The following PTPRN2 variants were observed in gnomAD, a reference collection of about 807,000 sequenced individuals.
The protein encoded by PTPRN2 is protein tyrosine phosphatase receptor type N2.
Under a neutral mutation model 118.8 loss-of-function variants are expected in PTPRN2, and 74 were observed. That is an observed-to-expected ratio of 0.62 (90% CI 0.52 to 0.76). The LOEUF is 0.76. PTPRN2 is among the 30% of genes least tolerant of loss of function. The pLI, the probability that PTPRN2 is intolerant of heterozygous loss-of-function variation, is 0.00. For synonymous variants in PTPRN2, 641 were observed against 608.0 expected, an observed-to-expected ratio of 1.05 and a Z score of -0.80; for missense variants, 1,481 against 1,394.4, an observed-to-expected ratio of 1.06 and a Z score of -0.99.
At chr7:157,793,376 C>T (rs575628490) in intron 12 of PTPRN2, among the ~76,000 whole-genome samples, 1 of 151,516 alleles carries the variant, frequency 6.6e-6, no homozygotes, top group African/African-American at 2.4e-5. Flanking sequence ...CTCTGTGGAC[C>T]CCCTGTGTAC....
Position 158,173,310 on chromosome 7 carries a change from TAAAGAG to T in PTPRN2, c.550-6025_550-6020del, listed in dbSNP as rs1430379346. ...CCTAAGTGTTGGCCAGTCTGAGAAA[TAAAGAG>T]AAAGAGTACAAAGAGGTAAATTTTA... On this transcript the variant is annotated intron_variant, in intron 5 of 22. Coordinates refer to ENST00000389418, the MANE Select transcript of PTPRN2 (RefSeq NM_002847.5). Among the ~76,000 whole-genome samples, 3 of 152,234 alleles carry T rather than the reference TAAAGAG, an allele frequency of 2.0e-5. No homozygotes were observed. The East Asian group carries it at 5.8e-4, about 29-fold the overall frequency.
intron 12 of PTPRN2, among the ~76,000 whole-genome samples, chr7:157,757,518 T>A (rs1801862448): frequency 6.6e-6 from 1 of 151,422 alleles, no homozygotes; most frequent in Non-Finnish European, 1.5e-5. Context: ...GAACTTTGGA[T>A]ACGGGCAGAG....
chr7:157,998,860 G>A (rs965319481), intron 11 of PTPRN2, among the ~76,000 whole-genome samples: 1 of 150,984 alleles, frequency 6.6e-6, no homozygotes, highest in African/African-American at 2.4e-5. Context: ...TTGTAATTCT[G>A]AGATTTTGAA....
At chr7:158,571,222 C>T (rs1386537028) in intron 1 of PTPRN2, among the ~76,000 whole-genome samples, 1 of 152,032 alleles carries the variant, frequency 6.6e-6, no homozygotes, top group Non-Finnish European at 1.5e-5. Flanking sequence ...CAGTGGCTCA[C>T]GCCTGTAATC....
intron 12 of PTPRN2, among the ~76,000 whole-genome samples, chr7:157,848,479 A>G (rs1173510555): frequency 3.9e-5 from 6 of 152,212 alleles, no homozygotes; most frequent in Non-Finnish European, 8.8e-5. Context: ...TGCGTGCCCA[A>G]TGTTTACAGA....
At chr7:157,557,918 A>G (rs1798985408) in intron 21 of PTPRN2, among the ~76,000 whole-genome samples, 1 of 151,154 alleles carries the variant, frequency 6.6e-6, no homozygotes, top group Admixed American at 6.6e-5. Context: ...CTGTCATTTT[A>G]AAGTCACCAT....
At chr7:158,134,180 G>A in intron 8 of PTPRN2, 121 bp from the exon 9 acceptor site, 2 of 1,195,058 alleles carry the variant, frequency 1.7e-6, no homozygotes, top group East Asian at 2.4e-5. Context: ...TGGAAGGAGA[G>A]TGTGGGAGGA....
intron 18 of PTPRN2, among the ~76,000 whole-genome samples, chr7:157,577,447 A>G (rs1046801984): frequency 6.6e-6 from 1 of 152,128 alleles, no homozygotes; most frequent in African/African-American, 2.4e-5. Context: ...ACCCACGTTT[A>G]TTTAGTTCAT....
intron 2 of PTPRN2, among the ~76,000 whole-genome samples, chr7:158,369,290 C>CACAT (rs1491375979): frequency 2.4e-5 from 1 of 41,062 alleles, no homozygotes; most frequent in African/African-American, 1.1e-4. Flanking sequence ...CACACACACA[C>CACAT]ATATATATAC....
At chr7:158,099,996 C>A (rs1490379932) in intron 10 of PTPRN2, among the ~76,000 whole-genome samples, 3 of 150,924 alleles carry the variant, frequency 2.0e-5, no homozygotes, top group Non-Finnish European at 1.5e-5. Context: ...TGAGTAAGTT[C>A]TCTAATGGTG....
At chr7:158,239,527 T>A (rs533159631) in intron 3 of PTPRN2, among the ~76,000 whole-genome samples, 1 of 152,252 alleles carries the variant, frequency 6.6e-6, no homozygotes, top group Non-Finnish European at 1.5e-5. Flanking sequence ...TTCCTCCCCA[T>A]TCTCACAGCA....
At chr7:157,936,556 G>A (rs768666550) in intron 11 of PTPRN2, among the ~76,000 whole-genome samples, 6 of 142,878 alleles carry the variant, frequency 4.2e-5, no homozygotes, top group Non-Finnish European at 6.3e-5. Flanking sequence ...TCCTCCACTC[G>A]GAAGCCAGGG....
chr7:158,494,630 G>T (rs749281349), intron 1 of PTPRN2, among the ~76,000 whole-genome samples: 9 of 152,190 alleles, frequency 5.9e-5, no homozygotes, highest in Non-Finnish European at 1.2e-4. Context: ...TGAAGACCCT[G>T]CTTTGAGGCT....
chr7:157,883,173 G>A lies in PTPRN2; in HGVS notation c.1788+15500C>T, dbSNP rs544958753. 1.4e-3 allele frequency among the ~76,000 whole-genome samples: 208 copies of A among 146,984 alleles called. 2 individuals carry two copies. Among genetic ancestry groups the A allele is most frequent in the Non-Finnish European group, 2.3e-3 (153 of 67,020 alleles). On this transcript the variant is annotated intron_variant, in intron 12 of 22. Coordinates refer to ENST00000389418, the MANE Select transcript of PTPRN2 (RefSeq NM_002847.5). Reference sequence around the variant, plus strand: ...ACACACCACCCCAAAAATGACTGTCGGAGATCAAAACACATCACCCCAAAA... The same window carrying A: ...ACACACCACCCCAAAAATGACTGTCAGAGATCAAAACACATCACCCCAAAA...
At chr7:158,583,465 C>T (rs1210139382) in intron 1 of PTPRN2, among the ~76,000 whole-genome samples, 1 of 151,840 alleles carries the variant, frequency 6.6e-6, no homozygotes, top group African/African-American at 2.4e-5. Flanking sequence ...AAGTGATTGC[C>T]CACCCCCACC....
At chr7:157,693,798 G>C (rs1427422379) in intron 12 of PTPRN2, among the ~76,000 whole-genome samples, 1 of 151,212 alleles carries the variant, frequency 6.6e-6, no homozygotes, top group African/African-American at 2.5e-5. Context: ...CTGGATCGCC[G>C]GAGCCTCATC....
intron 2 of PTPRN2, among the ~76,000 whole-genome samples, chr7:158,326,732 TCA>T (rs36170892): frequency 2.8e-5 from 4 of 144,762 alleles, no homozygotes; most frequent in South Asian, 2.2e-4. Flanking sequence ...GCATACATTC[TCA>T]CACACATGCA....
chr7:158,252,062 C>T (rs1585989993), intron 3 of PTPRN2, among the ~76,000 whole-genome samples: 1 of 152,292 alleles, frequency 6.6e-6, no homozygotes, highest in East Asian at 1.9e-4. Context: ...CCCATTTTAC[C>T]AGAAACACAA....
chr7:157,922,195 AAG>A (rs1798727744), intron 11 of PTPRN2, among the ~76,000 whole-genome samples: 2 of 152,208 alleles, frequency 1.3e-5, no homozygotes, highest in African/African-American at 4.8e-5. Flanking sequence ...GAGAATTTTG[AAG>A]AGAGATGATT....
Sources: gnomAD v4.1 joint callset for allele counts (sites outside exome capture counted in the v4.1 genomes callset) on GRCh38, gnomAD v4.1.1 for gene constraint, MANE v1.5 for transcripts, NCBI Gene and HGNC (gene_info 2026-07-23, HGNC 2026-07-21) for gene names.